Variants in KDM1A observed in about 807,000 individuals in gnomAD.
KDM1A encodes the protein lysine demethylase 1A, also known as lysine-specific histone demethylase 1A.
Under a neutral mutation model 109.4 loss-of-function variants are expected in KDM1A, and 49 were observed. The ratio of observed to expected loss-of-function variants is 0.45; its 90% CI spans 0.36 to 0.57. KDM1A has a LOEUF of 0.57. KDM1A is among the 20% of genes least tolerant of loss of function. The probability of loss-of-function intolerance (pLI) is 0.00; values close to 1 mark genes in which losing one functional copy is unlikely to be tolerated. For synonymous variants in KDM1A, 380 were observed against 415.4 expected, an observed-to-expected ratio of 0.91 and a Z score of 1.04; for missense variants, 668 against 1,116.6, an observed-to-expected ratio of 0.60 and a Z score of 5.73.
chr1:23,068,913 AG>A (rs1643228371), intron 11 of KDM1A, 147 bp from the exon 12 acceptor site: 1 of 628,760 alleles, frequency 1.6e-6, no homozygotes, highest in East Asian at 2.9e-5. Flanking sequence ...AACATAGCCT[AG>A]GAAATAATTT....
intron 8 of KDM1A, among the ~76,000 whole-genome samples, chr1:23,058,321 C>CA (rs1176673917): frequency 6.6e-6 from 1 of 152,134 alleles, no homozygotes; most frequent in Non-Finnish European, 1.5e-5. Flanking sequence ...TCAGGTGATC[C>CA]ACCCACCTCG....
chr1:23,022,646 T>G (rs1641672954), intron 1 of KDM1A, among the ~76,000 whole-genome samples: 1 of 113,752 alleles, frequency 8.8e-6, no homozygotes, highest in Non-Finnish European at 1.7e-5. Context: ...GGCCTTCTTC[T>G]TCTTTTTTTT....
intron 8 of KDM1A, 116 bp from the exon 9 acceptor site, chr1:23,058,957 T>A: frequency 1.8e-6 from 1 of 551,258 alleles, no homozygotes; most frequent in Non-Finnish European, 2.9e-6. Context: ...TGAGAAATAA[T>A]TACATACTGT....
chr1:23,083,481 C>G lies in KDM1A; in HGVS notation c.*117C>G. On this transcript the variant is annotated 3_prime_UTR_variant, in exon 21 of 21. Transcript: ENST00000400181. ...CCACCCTGGCATCTGGGCTCCTGAT[C>G]AGCTGATGGAGCTCCTGATTTGACA... 1 of 992,780 alleles carries G rather than the reference C, an allele frequency of 1.0e-6. No individual in the cohort carries two copies. The allele number at this position is 992,780 out of a possible 1,614,324, so 61.5% of individuals were successfully genotyped here. A position where few individuals can be genotyped will look rare whatever the true frequency, so the allele number is the denominator to read the frequency against.
intron 1 of KDM1A, among the ~76,000 whole-genome samples, chr1:23,026,253 T>A (rs1557497039): frequency 6.6e-6 from 1 of 151,712 alleles, no homozygotes; most frequent in Non-Finnish European, 1.5e-5. Context: ...AGGGAGAAAG[T>A]TTTTTTTTAA....
rs1162297013 is a variant in KDM1A at position 23,027,077 on chromosome 1, T to C, written c.352-3392T>C. On this transcript the variant is annotated intron_variant, in intron 1 of 20. Transcript: ENST00000400181. ...TTTAAAATTATCTAAAAAAAAAAAC[T>C]TTATTAAATGAGGAAAGCCTTTTTT... 2.6e-5 allele frequency among the ~76,000 whole-genome samples: 4 copies of C among 152,016 alleles called. No homozygotes were observed. The East Asian group carries it at 7.7e-4, about 29-fold the overall frequency.
At chr1:23,055,283 T>C in intron 6 of KDM1A, 122 bp downstream of exon 6, 1 of 371,596 alleles carries the variant, frequency 2.7e-6, no homozygotes, top group South Asian at 9.1e-5. Context: ...TTTAAAAATA[T>C]TTCCAAGTTT....
At chr1:23,078,635 A>G (rs866023449) in intron 16 of KDM1A, among the ~76,000 whole-genome samples, 4 of 152,206 alleles carry the variant, frequency 2.6e-5, no homozygotes, top group Admixed American at 6.5e-5. Flanking sequence ...CATTGGTTCT[A>G]TTGGGATGAG....
Position 23,083,337 on chromosome 1 carries a change from TC to T in KDM1A, c.2606del (p.Pro869LeufsTer14), listed in dbSNP as rs1196220949. The T allele has an allele frequency of 1.2e-6, 2 of 1,613,632 alleles. No homozygotes were observed. The highest frequency in any genetic ancestry group is 1.7e-6 in the Non-Finnish European group (2 of 1,179,888). ...TLPRQATPGV[P>X]AQQSPSM ...TGCCTCGCCAGGCCACACCAGGTGT[TC>T]CTGCACAGCAGTCCCCAAGCATGTG... On this transcript the variant is annotated frameshift_variant, in exon 21 of 21. Transcript: ENST00000400181. LOFTEE classifies it high-confidence loss of function.
At chr1:23,081,293 T>A (rs1643614039) in intron 18 of KDM1A, 153 bp from the exon 19 acceptor site, 1 of 870,476 alleles carries the variant, frequency 1.1e-6, no homozygotes, top group South Asian at 1.7e-5. Context: ...GTATGCTGTT[T>A]CAGAAACATA....
At position 23,079,870 on chromosome 1, in the gene KDM1A, G is replaced by A. The variant is rs1474357648; in HGVS notation, c.2170+203G>A. Among the ~76,000 whole-genome samples, 6 of 152,160 alleles carry A rather than the reference G, an allele frequency of 3.9e-5. No homozygotes were observed. Among genetic ancestry groups the A allele is most frequent in the Admixed American group, 1.3e-4 (2 of 15,282 alleles). Reference sequence around the variant, plus strand: ...ACTTAGTGGGGATACAGTAAGCGGGGAAGCAGGCTTAGAACAGGGCAGTAG... The same window carrying A: ...ACTTAGTGGGGATACAGTAAGCGGGAAAGCAGGCTTAGAACAGGGCAGTAG... On this transcript the variant is annotated intron_variant, in intron 18 of 20. Transcript: ENST00000400181. The surrounding 1 kb of genome is among the most constrained non-coding windows in gnomAD (Gnocchi z 5.6).
intron 3 of KDM1A, among the ~76,000 whole-genome samples, chr1:23,049,727 A>G (rs1354354770): frequency 6.6e-6 from 1 of 151,960 alleles, no homozygotes; most frequent in Non-Finnish European, 1.5e-5. Flanking sequence ...CTTGCAGTGT[A>G]TAGTGTATGT....
chr1:23,023,489 A>G (rs570572826), intron 1 of KDM1A, among the ~76,000 whole-genome samples: 1 of 152,178 alleles, frequency 6.6e-6, no homozygotes, highest in South Asian at 2.1e-4. Context: ...TGGCACCCTC[A>G]TTGATTAACT....
chr1:23,060,354 A>G (rs1642964025), intron 9 of KDM1A, among the ~76,000 whole-genome samples: 1 of 152,186 alleles, frequency 6.6e-6, no homozygotes, highest in African/African-American at 2.4e-5. Flanking sequence ...ACTATAGTGA[A>G]CCTCTGTTTT....
At chr1:23,020,130 C>T (rs1035845626) in intron 1 of KDM1A, 183 bp downstream of exon 1, 2 of 599,276 alleles carry the variant, frequency 3.3e-6, no homozygotes, top group African/African-American at 1.9e-5. Flanking sequence ...AAGTCTTTGC[C>T]GGTGTTGACT....
chr1:23,035,084 A>C (rs988011781), intron 2 of KDM1A, among the ~76,000 whole-genome samples: 1 of 152,208 alleles, frequency 6.6e-6, no homozygotes, highest in Non-Finnish European at 1.5e-5. Flanking sequence ...CCATGGGAAG[A>C]ATCACTTTAT....
chr1:23,040,153 A>G (rs183610406), intron 2 of KDM1A, among the ~76,000 whole-genome samples: 1 of 152,242 alleles, frequency 6.6e-6, no homozygotes, highest in Admixed American at 6.5e-5. Flanking sequence ...GAAGTTTCTT[A>G]AAATGTTTGT....
chr1:23,068,706 G>T, intron 11 of KDM1A, 25 bp downstream of exon 11: 1 of 1,485,118 alleles, frequency 6.7e-7, no homozygotes. Flanking sequence ...ACTGCTTATT[G>T]TATAGTGAGT....
At chr1:23,048,105 A>C (rs964730979) in intron 3 of KDM1A, among the ~76,000 whole-genome samples, 1 of 152,176 alleles carries the variant, frequency 6.6e-6, no homozygotes, top group African/African-American at 2.4e-5. Flanking sequence ...ATTTAATAGA[A>C]ATCATTGATT....
Sources: gnomAD v4.1 joint callset for allele counts (sites outside exome capture counted in the v4.1 genomes callset) on GRCh38, gnomAD v4.1.1 for gene constraint, Gnocchi (gnomAD v3.1) non-coding constraint, MANE v1.5 for transcripts, NCBI Gene and HGNC (gene_info 2026-07-23, HGNC 2026-07-21) for gene names.